Variants in IL34 observed in about 807,000 individuals in gnomAD.
IL34 encodes interleukin-34.
Under a neutral mutation model 25.3 loss-of-function variants are expected in IL34, and 17 were observed. That is an observed-to-expected ratio of 0.67 (90% CI 0.46 to 1.01). The LOEUF (loss-of-function observed/expected upper bound fraction) is 1.01, where lower values mean the gene tolerates loss of function less well. Ranked by LOEUF, IL34 falls within the 50% of genes least tolerant of loss-of-function variation. The probability of loss-of-function intolerance (pLI) is 0.00; values close to 1 mark genes in which losing one functional copy is unlikely to be tolerated. For missense variants in IL34, 368 were observed against 312.9 expected (o/e 1.18, Z -1.33); for synonymous variants, 174 against 140.9 (o/e 1.23, Z -1.66).
chr16:70,604,793 G>A (rs747412134), intron 1 of IL34, among the ~76,000 whole-genome samples: 1 of 152,242 alleles, frequency 6.6e-6, no homozygotes, highest in African/African-American at 2.4e-5. Context: ...TAGGCTAAAG[G>A]AAGAGCGGGG....
intron 1 of IL34, among the ~76,000 whole-genome samples, chr16:70,594,424 C>T (rs1462704460): frequency 6.6e-6 from 1 of 152,108 alleles, no homozygotes; most frequent in Non-Finnish European, 1.5e-5. Flanking sequence ...TATGTGCATA[C>T]AGTAAAAACA....
intron 1 of IL34, among the ~76,000 whole-genome samples, chr16:70,625,923 G>A (rs1170946383): frequency 2.0e-5 from 3 of 152,218 alleles, no homozygotes; most frequent in Non-Finnish European, 4.4e-5. Flanking sequence ...ACCTGAGGTG[G>A]TAGGTGGATC....
At chr16:70,654,877 C>A (rs763875609) in intron 2 of IL34, among the ~76,000 whole-genome samples, 3 of 152,132 alleles carry the variant, frequency 2.0e-5, no homozygotes, top group Non-Finnish European at 2.9e-5. Context: ...GGCCTCCACC[C>A]CTCCTCCTCG....
At chr16:70,647,377 C>T (rs910566983) in intron 1 of IL34, among the ~76,000 whole-genome samples, 18 of 152,154 alleles carry the variant, frequency 1.2e-4, no homozygotes, top group South Asian at 4.1e-4. Flanking sequence ...CCAAGACCCA[C>T]GGCAGAAGAG....
chr16:70,642,217 C>T (rs1007829952), upstream of IL34, among the ~76,000 whole-genome samples: 1 of 149,690 alleles, frequency 6.7e-6, no homozygotes, highest in Admixed American at 6.7e-5. Context: ...ATGACCAGTT[C>T]TTTGTGTGAG....
At chr16:70,619,345 C>A (rs2151835134) in intron 1 of IL34, among the ~76,000 whole-genome samples, 1 of 151,812 alleles carries the variant, frequency 6.6e-6, no homozygotes, top group East Asian at 1.9e-4. Context: ...GCAAAGGAGG[C>A]TTTGGATTGG....
In IL34 at chr16:70,607,378, A is replaced by G. The variant is rs543399711; in HGVS notation, c.-401+27329A>G. 2.0e-5 allele frequency among the ~76,000 whole-genome samples: 3 copies of G among 152,350 alleles called. No individual in the cohort carries two copies. The East Asian group carries it at 5.8e-4, about 29-fold the overall frequency. ...CTCGGCTTCCCAAAGTGCTGGGAGT[A>G]CAGGCATTGAGCCACTGCACCCGGC... On this transcript the variant is annotated intron_variant, in intron 1 of 6. Transcript: ENST00000429149.
chr16:70,636,029 C>CT (rs112235542), intron 1 of IL34, among the ~76,000 whole-genome samples: 1,432 of 139,924 alleles, frequency 0.01, 19 homozygotes, highest in African/African-American at 0.028. Flanking sequence ...GGGTCTGTAT[C>CT]TTTTTTTTTT....
At chr16:70,611,960 T>A (rs1468673117) in intron 1 of IL34, among the ~76,000 whole-genome samples, 1 of 151,654 alleles carries the variant, frequency 6.6e-6, no homozygotes, top group Non-Finnish European at 1.5e-5. Context: ...GCCCAGGAGG[T>A]CAAGGATGCA....
intron 1 of IL34, among the ~76,000 whole-genome samples, chr16:70,610,002 G>C (rs1323030299): frequency 6.6e-6 from 1 of 152,178 alleles, no homozygotes; most frequent in Non-Finnish European, 1.5e-5. Flanking sequence ...TCTGGAGTTT[G>C]AGACCAGCCT....
chr16:70,613,846 C>T (rs1285479903), intron 1 of IL34, among the ~76,000 whole-genome samples: 1 of 148,264 alleles, frequency 6.7e-6, no homozygotes, highest in Non-Finnish European at 1.5e-5. Flanking sequence ...TGTACTCCAG[C>T]CTGGGTGACA....
chr16:70,594,404 A>C (rs573759359), intron 1 of IL34, among the ~76,000 whole-genome samples: 1 of 152,308 alleles, frequency 6.6e-6, no homozygotes, highest in South Asian at 2.1e-4. Flanking sequence ...TTTCAATTTC[A>C]AATAGGTAAT....
chr16:70,628,193 C>T (rs2051438127), intron 1 of IL34, among the ~76,000 whole-genome samples: 1 of 152,026 alleles, frequency 6.6e-6, no homozygotes, highest in South Asian at 2.1e-4. Flanking sequence ...TATTTATTGG[C>T]CATTTAAATA....
chr16:70,619,159 G>A (rs929835280), intron 1 of IL34, among the ~76,000 whole-genome samples: 1 of 152,176 alleles, frequency 6.6e-6, no homozygotes, highest in African/African-American at 2.4e-5. Context: ...CCATGCTGTA[G>A]CAGACGAGTG....
At chr16:70,648,310 C>T (rs2051991814) in intron 1 of IL34, among the ~76,000 whole-genome samples, 1 of 151,990 alleles carries the variant, frequency 6.6e-6, no homozygotes, top group Admixed American at 6.5e-5. Flanking sequence ...GATCCCAGCA[C>T]TGTGGGAGGC....
chr16:70,650,643 T>A (rs542849674), intron 1 of IL34, among the ~76,000 whole-genome samples: 2 of 152,306 alleles, frequency 1.3e-5, no homozygotes, highest in South Asian at 4.2e-4. Context: ...GTGAAATCCT[T>A]GTGGACCAGA....
At chr16:70,591,221 C>G (rs986694660) in intron 1 of IL34, among the ~76,000 whole-genome samples, 3 of 152,238 alleles carry the variant, frequency 2.0e-5, no homozygotes, top group African/African-American at 7.2e-5. Context: ...ACTCAGCTCT[C>G]TGGGTGCCAA....
chr16:70,621,498 T>C (rs1264432307), intron 1 of IL34, among the ~76,000 whole-genome samples: 3 of 152,048 alleles, frequency 2.0e-5, no homozygotes, highest in Admixed American at 2.0e-4. Flanking sequence ...CTTGGGCTGG[T>C]CGGTCTGAGG....
chr16:70,596,363 G>T (rs117441318), intron 1 of IL34, among the ~76,000 whole-genome samples: 8 of 152,318 alleles, frequency 5.3e-5, no homozygotes, highest in Non-Finnish European at 1.0e-4. Context: ...GACTAAGACT[G>T]CCCGGAAAGG....
Sources: gnomAD v4.1 joint callset for allele counts (sites outside exome capture counted in the v4.1 genomes callset) on GRCh38, gnomAD v4.1.1 for gene constraint, MANE v1.5 for transcripts, NCBI Gene and HGNC (gene_info 2026-07-23, HGNC 2026-07-21) for gene names.